EFHD1: variants seen among roughly 807,000 people sequenced by gnomAD.
The protein encoded by EFHD1 is EF-hand domain-containing protein D1.
In EFHD1, 10 loss-of-function variants were observed where a neutral mutation model predicts 17.2. The observed-to-expected ratio is 0.58, with a 90% CI of 0.36 to 0.99. The LOEUF is 0.99. Among genes scored for constraint, EFHD1 ranks in the 50% least tolerant of loss-of-function variants. The pLI is 0.01. For synonymous variants in EFHD1, 153 were observed against 142.0 expected (o/e 1.08, Z -0.55); for missense variants, 310 against 327.5 (o/e 0.95, Z 0.41).
rs185851253 is a variant in EFHD1, at chr2:232,620,110, C to T, written c.14+13937C>T. On this transcript the variant is annotated intron_variant, in intron 1 of 3. Transcript: ENST00000409613. ...TTTTTTTAAGAGACAGAGTCTCGGC[C>T]GGGCGCGGTGGCTCACGCCTGTAAT... Among the ~76,000 whole-genome samples the T allele has an allele frequency of 5.9e-4, 90 of 151,398 alleles. No individual in the cohort carries two copies. In the East Asian group the frequency reaches 7.8e-3, roughly 13 times the overall value.
At chr2:232,678,827 C>T (rs7578234) in intron 3 of EFHD1, among the ~76,000 whole-genome samples, 4,957 of 152,156 alleles carry the variant, frequency 0.033, 185 homozygotes, top group East Asian at 0.21. Context: ...ATCTCTTTCA[C>T]GTGGGAACTT....
chr2:232,609,184 C>T (rs554018278), intron 1 of EFHD1, among the ~76,000 whole-genome samples: 63 of 150,780 alleles, frequency 4.2e-4, no homozygotes, highest in Middle Eastern at 3.4e-3. Flanking sequence ...CTCAGCCTCC[C>T]GAGTTATTGG....
intron 1 of EFHD1, among the ~76,000 whole-genome samples, chr2:232,614,115 CAT>C (rs1693875831): frequency 6.6e-6 from 1 of 151,658 alleles, no homozygotes; most frequent in Non-Finnish European, 1.5e-5. Flanking sequence ...ATTATACACA[CAT>C]GCACATACAT....
chr2:232,642,446 C>T (rs1397847279), intron 1 of EFHD1, among the ~76,000 whole-genome samples: 2 of 151,558 alleles, frequency 1.3e-5, no homozygotes, highest in Non-Finnish European at 2.9e-5. Context: ...TGCTTAGCCC[C>T]GTGGTTGGAG....
chr2:232,618,518 T>C (rs754152144), intron 1 of EFHD1, among the ~76,000 whole-genome samples: 3 of 151,760 alleles, frequency 2.0e-5, no homozygotes, highest in Non-Finnish European at 4.4e-5. Flanking sequence ...GTCCAGGAGT[T>C]TGAGACCAGC....
At chr2:232,664,230 C>G (rs1156435281) in intron 2 of EFHD1, among the ~76,000 whole-genome samples, 1 of 151,990 alleles carries the variant, frequency 6.6e-6, no homozygotes, top group East Asian at 1.9e-4. Flanking sequence ...CCTCAAACTC[C>G]CAGTATCAAC....
At chr2:232,676,042 G>A (rs1256922109) in intron 3 of EFHD1, among the ~76,000 whole-genome samples, 1 of 152,112 alleles carries the variant, frequency 6.6e-6, no homozygotes, top group Non-Finnish European at 1.5e-5. Flanking sequence ...CGGGCATGGT[G>A]GCATGCGCCT....
intron 1 of EFHD1, among the ~76,000 whole-genome samples, chr2:232,624,075 G>A (rs954720393): frequency 2.6e-5 from 4 of 152,348 alleles, no homozygotes; most frequent in African/African-American, 9.6e-5. Flanking sequence ...GCCCAGGGCT[G>A]TGGGGGTGGG....
At chr2:232,658,642 G>A (rs1694805382) in intron 1 of EFHD1, among the ~76,000 whole-genome samples, 7 of 152,136 alleles carry the variant, frequency 4.6e-5, no homozygotes, top group Admixed American at 3.9e-4. Context: ...GTGAAGAAAC[G>A]AAGTGTGGTA....
intron 1 of EFHD1, among the ~76,000 whole-genome samples, chr2:232,642,777 C>T (rs949042555): frequency 6.6e-6 from 1 of 152,114 alleles, no homozygotes; most frequent in Non-Finnish European, 1.5e-5. Context: ...TCACCTCCAG[C>T]TGTTCCCGAG....
chr2:232,634,583 G>A (rs192902518), intron 1 of EFHD1, among the ~76,000 whole-genome samples: 9 of 152,308 alleles, frequency 5.9e-5, no homozygotes, highest in Admixed American at 2.0e-4. Flanking sequence ...CGCGGGGAGG[G>A]GGGGCGGTTG....
chr2:232,646,436 C>CTTTTTTTTTTTTTTT (rs71398729), intron 1 of EFHD1, among the ~76,000 whole-genome samples: 2 of 67,138 alleles, frequency 3.0e-5, no homozygotes, highest in Non-Finnish European at 5.5e-5. Context: ...CTCTTCTCTT[C>CTTTTTTTTTTTTTTT]TTTTTTTTTT....
At chr2:232,657,428 G>A (rs1220790209) in intron 1 of EFHD1, among the ~76,000 whole-genome samples, 2 of 152,188 alleles carry the variant, frequency 1.3e-5, no homozygotes. Context: ...ATTGCTGAAT[G>A]AAATTCCATT....
At chr2:232,644,213 G>A (rs1388312212) in intron 1 of EFHD1, among the ~76,000 whole-genome samples, 3 of 152,102 alleles carry the variant, frequency 2.0e-5, no homozygotes, top group Non-Finnish European at 4.4e-5. Flanking sequence ...CCTCCTGACT[G>A]CTCACTGTCT....
intron 1 of EFHD1, among the ~76,000 whole-genome samples, chr2:232,641,000 C>T (rs1178146776): frequency 6.6e-6 from 1 of 152,166 alleles, no homozygotes; most frequent in African/African-American, 2.4e-5. Flanking sequence ...AAGGAAGCTG[C>T]AGCCATCGGG....
At chr2:232,668,620 G>A (rs938591284) in intron 2 of EFHD1, among the ~76,000 whole-genome samples, 22 of 152,054 alleles carry the variant, frequency 1.4e-4, no homozygotes, top group Admixed American at 1.0e-3. Context: ...AAAATATTTT[G>A]TTTTATTATT....
chr2:232,672,192 G>A, intron 2 of EFHD1, 117 bp from the exon 3 acceptor site: 1 of 1,379,792 alleles, frequency 7.2e-7, no homozygotes, highest in South Asian at 1.2e-5. Context: ...TTTGCCACAT[G>A]CATACATAAA....
intron 2 of EFHD1, 36 bp from the exon 3 acceptor site, chr2:232,672,273 G>A (rs1323766257): frequency 6.2e-7 from 1 of 1,613,926 alleles, no homozygotes; most frequent in Admixed American, 1.7e-5. Context: ...CTGTCAGTGA[G>A]ACTGACTCTG....
intron 2 of EFHD1, among the ~76,000 whole-genome samples, chr2:232,668,501 A>T (rs1695006980): frequency 6.6e-6 from 1 of 151,998 alleles, no homozygotes; most frequent in African/African-American, 2.4e-5. Context: ...CCGTCCGTAA[A>T]CTGTCATCTC....
Sources: gnomAD v4.1 joint callset for allele counts (sites outside exome capture counted in the v4.1 genomes callset) on GRCh38, gnomAD v4.1.1 for gene constraint, MANE v1.5 for transcripts, NCBI Gene and HGNC (gene_info 2026-07-23, HGNC 2026-07-21) for gene names.